The following RBKS variants were observed in gnomAD, a reference collection of about 807,000 sequenced individuals.
The protein encoded by RBKS is ribokinase.
Under a neutral mutation model 33.9 loss-of-function variants are expected in RBKS, and 33 were observed. The ratio of observed to expected loss-of-function variants is 0.97; its 90% CI spans 0.74 to 1.30. The LOEUF (loss-of-function observed/expected upper bound fraction) is 1.30, where lower values mean the gene tolerates loss of function less well. RBKS is among the 50% of genes most tolerant of loss of function. The pLI, the probability that RBKS is intolerant of heterozygous loss-of-function variation, is 0.00. For synonymous variants in RBKS, 125 were observed against 143.0 expected (o/e 0.87, Z 0.90); for missense variants, 361 against 392.6 (o/e 0.92, Z 0.68).
intron 2 of RBKS, among the ~76,000 whole-genome samples, chr2:27,849,408 C>T (rs1222639955): frequency 6.6e-6 from 1 of 151,112 alleles, no homozygotes; most frequent in African/African-American, 2.4e-5. Context: ...ACTGAAAATA[C>T]AAAAATCAGC....
intron 7 of RBKS, among the ~76,000 whole-genome samples, chr2:27,817,501 TCACA>T (rs1462424157): frequency 5.9e-5 from 9 of 152,176 alleles, no homozygotes; most frequent in African/African-American, 2.2e-4. Context: ...TAGTCCATTT[TCACA>T]CTGCTATAAA....
chr2:27,788,249 GA>G (rs552619579), intron 7 of RBKS, among the ~76,000 whole-genome samples: 237 of 151,434 alleles, frequency 1.6e-3, no homozygotes, highest in African/African-American at 5.2e-3. Context: ...AAGGACAGGG[GA>G]AAAAAAAGAA....
chr2:27,877,570 C>T (rs746093800), intron 1 of RBKS, among the ~76,000 whole-genome samples: 8 of 151,954 alleles, frequency 5.3e-5, no homozygotes, highest in South Asian at 2.1e-4. Flanking sequence ...GGAATATAAC[C>T]GCCCCTGCCC....
intron 5 of RBKS, among the ~76,000 whole-genome samples, chr2:27,839,180 T>C (rs1663406665): frequency 6.6e-6 from 1 of 152,228 alleles, no homozygotes; most frequent in Admixed American, 6.5e-5. Context: ...TGCTGGACAA[T>C]GTCATTGTGA....
intron 2 of RBKS, among the ~76,000 whole-genome samples, chr2:27,853,659 GA>G (rs561342057): frequency 2.2e-4 from 34 of 152,016 alleles, no homozygotes; most frequent in African/African-American, 8.0e-4. Context: ...TCCTGTCTCA[GA>G]AAAAAATAAA....
intron 1 of RBKS, among the ~76,000 whole-genome samples, chr2:27,881,116 GT>G (rs1226057087): frequency 6.6e-6 from 1 of 152,122 alleles, no homozygotes; most frequent in Non-Finnish European, 1.5e-5. Flanking sequence ...GGGCATGCTG[GT>G]GTGTGCCTGC....
chr2:27,805,667 C>T (rs1297037407), intron 7 of RBKS, among the ~76,000 whole-genome samples: 7 of 149,832 alleles, frequency 4.7e-5, no homozygotes, highest in Non-Finnish European at 3.0e-5. Context: ...CTCTACCTTC[C>T]GGGTTCAAGC....
chr2:27,863,365 C>T (rs1466408690), intron 1 of RBKS, among the ~76,000 whole-genome samples: 1 of 152,240 alleles, frequency 6.6e-6, no homozygotes, highest in African/African-American at 2.4e-5. Flanking sequence ...TTACTTTTGA[C>T]AGCTTTTCCC....
At chr2:27,825,576 T>C (rs1314740079) in intron 7 of RBKS, among the ~76,000 whole-genome samples, 1 of 152,152 alleles carries the variant, frequency 6.6e-6, no homozygotes, top group Non-Finnish European at 1.5e-5. Context: ...CTGATAAGAG[T>C]GATTTGTATC....
At chr2:27,827,155 T>C (rs1678327433) in intron 7 of RBKS, among the ~76,000 whole-genome samples, 2 of 152,240 alleles carry the variant, frequency 1.3e-5, no homozygotes, top group Non-Finnish European at 2.9e-5. Context: ...CAGCTACTTG[T>C]TCACTGCCTA....
At chr2:27,864,020 A>G (rs1664040328) in intron 1 of RBKS, among the ~76,000 whole-genome samples, 1 of 152,152 alleles carries the variant, frequency 6.6e-6, no homozygotes, top group Non-Finnish European at 1.5e-5. Flanking sequence ...GATTTTGATT[A>G]CTAACCCATA....
intron 7 of RBKS, chr2:27,809,807 T>G: frequency 1.7e-6 from 1 of 571,824 alleles, no homozygotes; most frequent in Non-Finnish European, 2.7e-6. Context: ...ACCAGATTAT[T>G]AAACAGCAAA....
In RBKS at chr2:27,883,000, CA is replaced by C. The variant is rs112438202; in HGVS notation, c.89+7256del. Among the ~76,000 whole-genome samples, 182 of 145,968 alleles carry C rather than the reference CA, an allele frequency of 1.2e-3. No individual in the cohort carries two copies. The East Asian group carries it at 0.014, about 11-fold the overall frequency. On this transcript the variant is annotated intron_variant, in intron 1 of 7. Transcript: ENST00000302188. Reference sequence around the variant, plus strand: ...AGAACTAGGCTTAATACCTGGGTGACAAAAAAAAAATAATAATGCCTGGGTA... The same window carrying C: ...AGAACTAGGCTTAATACCTGGGTGACAAAAAAAAATAATAATGCCTGGGTA...
At chr2:27,803,123 C>T (rs1024324219) in intron 7 of RBKS, among the ~76,000 whole-genome samples, 21 of 152,126 alleles carry the variant, frequency 1.4e-4, no homozygotes, top group African/African-American at 4.1e-4. Flanking sequence ...TGCCACTGTA[C>T]CTGGCCAAAA....
chr2:27,848,431 T>C (rs1202100081), intron 2 of RBKS, among the ~76,000 whole-genome samples: 1 of 152,204 alleles, frequency 6.6e-6, no homozygotes, highest in African/African-American at 2.4e-5. Flanking sequence ...TCTCAGCTGT[T>C]TGTACTTCAC....
At chr2:27,854,226 C>T (rs933228291) in intron 2 of RBKS, among the ~76,000 whole-genome samples, 4 of 152,126 alleles carry the variant, frequency 2.6e-5, no homozygotes, top group Non-Finnish European at 5.9e-5. Flanking sequence ...TTATATTCAA[C>T]GGTTGTAAAG....
intron 2 of RBKS, among the ~76,000 whole-genome samples, chr2:27,854,058 T>C (rs1663802448): frequency 6.6e-6 from 1 of 152,254 alleles, no homozygotes; most frequent in African/African-American, 2.4e-5. Context: ...GATACTCTAA[T>C]GCACTGCTTT....
In RBKS at chr2:27,874,667, A is replaced by G. The variant is rs117408141; in HGVS notation, c.89+15590T>C. Among the ~76,000 whole-genome samples the G allele has an allele frequency of 5.1e-4, 77 of 152,310 alleles. No individual in the cohort carries two copies. The East Asian group carries it at 0.013, about 26-fold the overall frequency. The stretch of plus-strand genomic sequence containing the variant: ...TAAAGGTTAATTTCTCCAAATTGCT[A>G]CAGTATTTTGTCACATTCACTCTAC... On this transcript the variant is annotated intron_variant, in intron 1 of 7. Transcript: ENST00000302188.
chr2:27,843,678 TA>T (rs1663560644), intron 4 of RBKS, among the ~76,000 whole-genome samples: 1 of 152,234 alleles, frequency 6.6e-6, no homozygotes. Flanking sequence ...TATGGTATTC[TA>T]AAAAGTGATT....
Sources: allele counts gnomAD v4.1 joint callset (sites outside exome capture counted in the v4.1 genomes callset), GRCh38; gene constraint gnomAD v4.1.1; transcripts MANE v1.5; gene names NCBI Gene and HGNC (gene_info 2026-07-23, HGNC 2026-07-21).